Variants in PPFIBP1 observed in about 807,000 individuals in gnomAD.
The protein encoded by PPFIBP1 is liprin-beta-1.
In PPFIBP1, 112 loss-of-function variants were observed where a neutral mutation model predicts 137.8. The observed-to-expected ratio is 0.81, with a 90% CI of 0.70 to 0.95. The LOEUF is 0.95. Among genes scored for constraint, PPFIBP1 ranks in the 40% least tolerant of loss-of-function variants. PPFIBP1 has a pLI of 0.00. For synonymous variants in PPFIBP1, 378 were observed against 417.3 expected (o/e 0.91, Z 1.15); for missense variants, 1,083 against 1,196.6 (o/e 0.91, Z 1.40).
chr12:27,535,324 T>TA (rs1271789839), intron 1 of PPFIBP1, among the ~76,000 whole-genome samples: 1 of 152,220 alleles, frequency 6.6e-6, no homozygotes, highest in Non-Finnish European at 1.5e-5. Context: ...ATTTAAAAAT[T>TA]AAAAAACTAA....
rs371375025 is a variant in PPFIBP1 at position 27,677,031 on chromosome 12, G to A, written c.1583-33G>A. ...CTCTGTGTTCTCTCCATTGGGCTGC[G>A]TGTGATTGTGTGCGTTGTTGGGATA... is the stretch of plus-strand genomic sequence containing the variant. On this transcript the variant is annotated intron_variant, in intron 18 of 29. Coordinates refer to ENST00000228425, the MANE Select transcript of PPFIBP1 (RefSeq NM_003622.4). 9.7e-5 allele frequency: 156 copies of A among 1,614,130 alleles called. 1 individual carries two copies. Among genetic ancestry groups the A allele is most frequent in the South Asian group, 3.2e-4 (29 of 91,070 alleles).
At chr12:27,623,362 C>A (rs565002006) in intron 2 of PPFIBP1, among the ~76,000 whole-genome samples, 1 of 152,190 alleles carries the variant, frequency 6.6e-6, no homozygotes, top group South Asian at 2.1e-4. Flanking sequence ...TTGTGGATAG[C>A]AAGGCTAATA....
chr12:27,533,543 A>G (rs1266813646), intron 1 of PPFIBP1, among the ~76,000 whole-genome samples: 2 of 152,202 alleles, frequency 1.3e-5, no homozygotes, highest in Non-Finnish European at 2.9e-5. Context: ...CAGCCTCTTC[A>G]TAGTCCTACC....
intron 2 of PPFIBP1, among the ~76,000 whole-genome samples, chr12:27,595,118 C>A (rs2053037427): frequency 6.6e-6 from 1 of 152,236 alleles, no homozygotes; most frequent in Non-Finnish European, 1.5e-5. Flanking sequence ...TACCAAATTA[C>A]TTTCCAGGAA....
At chr12:27,587,492 G>A (rs1394689555) in intron 2 of PPFIBP1, among the ~76,000 whole-genome samples, 4 of 151,516 alleles carry the variant, frequency 2.6e-5, no homozygotes, top group South Asian at 2.1e-4. Context: ...GCGTGGTGGC[G>A]GGCGCCTGTA....
intron 25 of PPFIBP1, among the ~76,000 whole-genome samples, chr12:27,687,788 G>T: frequency 6.6e-6 from 1 of 151,868 alleles, no homozygotes; most frequent in East Asian, 1.9e-4. Context: ...TCACTATAAA[G>T]ACTTCCTTTT....
chr12:27,578,548 G>A (rs147192310), intron 2 of PPFIBP1, among the ~76,000 whole-genome samples: 103 of 152,174 alleles, frequency 6.8e-4, no homozygotes, highest in African/African-American at 2.3e-3. Context: ...CCCTCTTCTC[G>A]AGTCCTTCAT....
At chr12:27,619,334 G>T (rs1211246634) in intron 2 of PPFIBP1, among the ~76,000 whole-genome samples, 2 of 152,078 alleles carry the variant, frequency 1.3e-5, no homozygotes, top group Non-Finnish European at 2.9e-5. Context: ...TTGTTGTGTT[G>T]TTTAGGGAAT....
chr12:27,564,340 G>T (rs527556229), intron 1 of PPFIBP1, among the ~76,000 whole-genome samples: 1 of 152,308 alleles, frequency 6.6e-6, no homozygotes, highest in South Asian at 2.1e-4. Context: ...AAGGATATTT[G>T]AAAGGGAGTC....
At chr12:27,581,652 A>G (rs962321475) in intron 2 of PPFIBP1, among the ~76,000 whole-genome samples, 8 of 152,018 alleles carry the variant, frequency 5.3e-5, no homozygotes, top group Non-Finnish European at 1.2e-4. Context: ...GGGGTTTTCT[A>G]TCTCCTGACT....
chr12:27,604,914 A>G (rs1439291824), intron 2 of PPFIBP1, among the ~76,000 whole-genome samples: 1 of 152,220 alleles, frequency 6.6e-6, no homozygotes, highest in Admixed American at 6.5e-5. Flanking sequence ...GATGGCGGGA[A>G]GCAAAGAGAG....
intron 1 of PPFIBP1, among the ~76,000 whole-genome samples, chr12:27,559,297 T>G (rs1214725920): frequency 1.3e-5 from 2 of 151,974 alleles, no homozygotes. Flanking sequence ...GCCTGCTGAG[T>G]AGCTGGGACT....
At chr12:27,536,533 G>A (rs1353934851) in intron 1 of PPFIBP1, among the ~76,000 whole-genome samples, 1 of 152,046 alleles carries the variant, frequency 6.6e-6, no homozygotes, top group Non-Finnish European at 1.5e-5. Context: ...TCCCATGAAC[G>A]AATTGAGCAA....
rs1260147788 is a variant in PPFIBP1 at position 27,693,535 on chromosome 12, T to A, written c.*653T>A. ...AAGAGGTCAGAATGATCTTTCTCCA[T>A]ACTGACTTTTAACAATGTTGATCAT... On this transcript the variant is annotated 3_prime_UTR_variant, in exon 30 of 30. Transcript: ENST00000228425. 6.6e-6 allele frequency: 1 copy of A among 152,210 alleles called. No homozygotes were observed. Among genetic ancestry groups the A allele is most frequent in the African/African-American group, 2.4e-5 (1 of 41,460 alleles). The allele number at this position is 152,210 out of a possible 1,614,324, so 9.4% of individuals were successfully genotyped here.
At chr12:27,680,536 T>C (rs2060815688) in intron 21 of PPFIBP1, among the ~76,000 whole-genome samples, 1 of 152,144 alleles carries the variant, frequency 6.6e-6, no homozygotes, top group Non-Finnish European at 1.5e-5. Flanking sequence ...AAGCTGACCA[T>C]GAAGGTTAAA....
At chr12:27,533,188 G>A (rs1305335450) in intron 1 of PPFIBP1, among the ~76,000 whole-genome samples, 1 of 152,006 alleles carries the variant, frequency 6.6e-6, no homozygotes, top group Non-Finnish European at 1.5e-5. Flanking sequence ...AATTTTAATG[G>A]GAAATATGAG....
At chr12:27,617,931 A>G (rs956504388) in intron 2 of PPFIBP1, among the ~76,000 whole-genome samples, 1 of 152,180 alleles carries the variant, frequency 6.6e-6, no homozygotes, top group African/African-American at 2.4e-5. Flanking sequence ...TAGCTGTGGT[A>G]AAAGCAAGTT....
At chr12:27,613,709 A>G (rs1488053715) in intron 2 of PPFIBP1, among the ~76,000 whole-genome samples, 1 of 151,860 alleles carries the variant, frequency 6.6e-6, no homozygotes, top group African/African-American at 2.4e-5. Context: ...TCTCAAAAAA[A>G]AAAAAAAAGA....
chr12:27,672,401 A>C (rs1465325581), intron 14 of PPFIBP1, 26 bp from the exon 15 acceptor site: 1 of 1,578,332 alleles, frequency 6.3e-7, no homozygotes. Flanking sequence ...GAAGTTAATA[A>C]ATACCTTTTG....
Sources: gnomAD v4.1 joint callset for allele counts (sites outside exome capture counted in the v4.1 genomes callset) on GRCh38, gnomAD v4.1.1 for gene constraint, MANE v1.5 for transcripts, NCBI Gene and HGNC (gene_info 2026-07-23, HGNC 2026-07-21) for gene names.